DENND2B: variants seen among roughly 807,000 people sequenced by gnomAD.
DENND2B encodes DENN domain-containing protein 2B.
A neutral mutation model predicts 116.0 loss-of-function variants in DENND2B; 32 were observed. That is an observed-to-expected ratio of 0.28 (90% CI 0.21 to 0.37). DENND2B has a LOEUF of 0.37. Ranked by LOEUF, DENND2B falls within the 10% of genes least tolerant of loss-of-function variation. The probability of loss-of-function intolerance (pLI) is 1.00; values close to 1 mark genes in which losing one functional copy is unlikely to be tolerated. For synonymous variants in DENND2B, 588 were observed against 583.9 expected, an observed-to-expected ratio of 1.01 and a Z score of -0.10; for missense variants, 1,276 against 1,477.7, an observed-to-expected ratio of 0.86 and a Z score of 2.24.
chr11:8,883,759 GTAATGAGCACTTTAAAA>G (rs2063928675), intron 1 of DENND2B, among the ~76,000 whole-genome samples: 1 of 152,170 alleles, frequency 6.6e-6, no homozygotes, highest in African/African-American at 2.4e-5. Context: ...AATCACTACT[GTAATGAGCACTTTAAAA>G]AGGGAGATTA....
Position 8,730,514 on chromosome 11 carries a change from C to T in DENND2B, c.776G>A (p.Arg259Gln). ...GGCGCTGGGCTCACTCCGGCCCAGC[C>T]GTTTCTCCAGCCGGTAGAAAGAGTC... ...VRDSFYRLEK[R>Q]LGRSEPSAFL... The change falls in exon 3 of 20, where the codon CGG becomes CAG. Residue 259 changes from arginine to glutamine, a missense_variant. Arg to Gln is a conservative substitution (Grantham distance 43, BLOSUM62 1). Around this residue, in one of 2 missense-constraint regions of DENND2B, gnomAD observed 856 missense variants for 846.6 expected, o/e 1.01. Coordinates refer to ENST00000313726, the MANE Select transcript of DENND2B (RefSeq NM_213618.2). The surrounding 1 kb of genome is among the most constrained non-coding windows in gnomAD (Gnocchi z 4.1). The T allele has an allele frequency of 6.2e-7, 1 of 1,612,768 alleles. No individual in the cohort carries two copies. Among genetic ancestry groups the T allele is most frequent in the Non-Finnish European group, 8.5e-7 (1 of 1,180,028 alleles).
intron 4 of DENND2B, among the ~76,000 whole-genome samples, chr11:8,722,704 G>C (rs1383638890): frequency 6.6e-6 from 1 of 152,120 alleles, no homozygotes; most frequent in African/African-American, 2.4e-5. Flanking sequence ...GGCTGCTATG[G>C]GGACATAAAA....
chr11:8,821,849 T>A (rs2061779961), intron 4 of DENND2B, among the ~76,000 whole-genome samples: 1 of 152,104 alleles, frequency 6.6e-6, no homozygotes, highest in Non-Finnish European at 1.5e-5. Context: ...TGGAGTGGAG[T>A]GGCAAGATCT....
chr11:8,884,889 C>T (rs1314914734), intron 1 of DENND2B, among the ~76,000 whole-genome samples: 2 of 152,174 alleles, frequency 1.3e-5, no homozygotes, highest in African/African-American at 4.8e-5. Flanking sequence ...TCATGTCTTC[C>T]AACTAAGTCT....
Position 8,891,903 on chromosome 11 carries a change from T to C in DENND2B, c.-255-10794A>G, listed in dbSNP as rs188958034. Among the ~76,000 whole-genome samples, 1,253 of 152,300 alleles carry C rather than the reference T, an allele frequency of 8.2e-3. 14 individuals carry two copies. The highest frequency in any genetic ancestry group is 0.028 in the African/African-American group (1,175 of 41,546). On this transcript the variant is annotated intron_variant, in intron 1 of 22. Coordinates refer to the DENND2B transcript ENST00000534127. ...GCACCAAGCGGACCTAATAGACATC[T>C]ACAGAACTCTCCACCCCAAATCAAC... is the stretch of plus-strand genomic sequence containing the variant.
chr11:8,822,335 T>C, intron 4 of DENND2B, among the ~76,000 whole-genome samples: 1 of 152,174 alleles, frequency 6.6e-6, no homozygotes, highest in East Asian at 1.9e-4. Context: ...ACAGTTACCA[T>C]TTTGTGTATG....
At position 8,730,150 on chromosome 11, in the gene DENND2B, G is replaced by A. The variant is rs140061138; in HGVS notation, c.1140C>T (p.Leu380=). The change falls in exon 3 of 20, where the codon CTC becomes CTT. Residue 380 remains leucine, a synonymous_variant. Transcript: ENST00000313726. The surrounding 1 kb of genome is among the most constrained non-coding windows in gnomAD (Gnocchi z 4.1). Reference sequence around the variant, plus strand: ...TGGGGACAGGGTTCACAGCGGGATCGAGGGAACTCTTCGATGGCAGCCGCT... The same window carrying A: ...TGGGGACAGGGTTCACAGCGGGATCAAGGGAACTCTTCGATGGCAGCCGCT... ...SSQRLPSKSS[L]DPAVNPVPKP... is the part of the protein sequence containing the mutation. 3.5e-5 allele frequency: 56 copies of A among 1,614,180 alleles called. No individual in the cohort carries two copies. In the African/African-American group the frequency reaches 5.9e-4, roughly 17 times the overall value.
chr11:8,701,670 C>T (rs1159286593), intron 14 of DENND2B, among the ~76,000 whole-genome samples: 3 of 152,102 alleles, frequency 2.0e-5, no homozygotes, highest in Non-Finnish European at 1.5e-5. Context: ...ATCACTTGTG[C>T]CTTGCCTGTG....
At chr11:8,787,237 C>A (rs1003125393) in intron 1 of DENND2B, 1 of 152,150 alleles carries the variant, frequency 6.6e-6, no homozygotes, top group African/African-American at 2.4e-5. Flanking sequence ...TCTGAAGAAA[C>A]AATGTATATG....
At chr11:8,776,277 C>T in intron 1 of DENND2B, 1 of 454,688 alleles carries the variant, frequency 2.2e-6, no homozygotes, top group Admixed American at 2.4e-5. Flanking sequence ...TCACTGGCAG[C>T]CTGGAGTGCT....
chr11:8,719,755 T>C (rs1729773640), intron 4 of DENND2B, among the ~76,000 whole-genome samples: 1 of 152,168 alleles, frequency 6.6e-6, no homozygotes, highest in African/African-American at 2.4e-5. Flanking sequence ...GACACAGTCT[T>C]CTGATCCCCT....
chr11:8,753,126 A>C (rs1474518173), intron 1 of DENND2B, among the ~76,000 whole-genome samples: 6 of 152,114 alleles, frequency 3.9e-5, no homozygotes, highest in African/African-American at 9.7e-5. Context: ...AATCCCAGTT[A>C]CTCAGGAGGC....
chr11:8,839,340 G>A (rs529895078), exon 4 of DENND2B: 6 of 152,186 alleles, frequency 3.9e-5, no homozygotes, highest in African/African-American at 1.4e-4. Flanking sequence ...ACTCTCCAAA[G>A]GGTGTGAAAT....
At chr11:8,789,183 G>C (rs923617301) in intron 1 of DENND2B, among the ~76,000 whole-genome samples, 1 of 152,198 alleles carries the variant, frequency 6.6e-6, no homozygotes, top group Non-Finnish European at 1.5e-5. Flanking sequence ...AAAAAAGGAA[G>C]AGTACTGGAC....
upstream of DENND2B, among the ~76,000 whole-genome samples, chr11:8,815,542 A>G (rs10769963): frequency 0.84 from 126,982 of 152,072 alleles, 54,419 homozygotes; most frequent in Non-Finnish European, 0.94. Flanking sequence ...CCCTCCCTCT[A>G]TGGCTCATGC....
intron 3 of DENND2B, among the ~76,000 whole-genome samples, chr11:8,848,885 GC>G (rs1371930012): frequency 6.6e-6 from 1 of 151,196 alleles, no homozygotes. Flanking sequence ...AAATAAAATG[GC>G]CTCAAGAAAA....
chr11:8,834,576 T>C (rs184508814), intron 4 of DENND2B, among the ~76,000 whole-genome samples: 1 of 152,228 alleles, frequency 6.6e-6, no homozygotes. Flanking sequence ...AAGTTAGGCA[T>C]GGCACATTCC....
At chr11:8,890,019 G>A (rs1391586979) in intron 1 of DENND2B, among the ~76,000 whole-genome samples, 6 of 152,110 alleles carry the variant, frequency 3.9e-5, no homozygotes, top group Non-Finnish European at 7.4e-5. Context: ...CACCTCACAC[G>A]GCTGGGTACT....
At position 8,797,455 on chromosome 11, in the gene DENND2B, CTCCTTCTT is replaced by C. The variant is rs1192621927; in HGVS notation, c.-26+13054_-26+13061del. The stretch of plus-strand genomic sequence containing the variant: ...CCTTCCCCCTTCTTCCCCCTTCTTC[CTCCTTCTT>C]CCCCTTTCTTCCCCTTCTTCCCTCT... On this transcript the variant is annotated intron_variant, in intron 1 of 19. Transcript: ENST00000313726. Among the ~76,000 whole-genome samples, 344 of 123,114 alleles carry C rather than the reference CTCCTTCTT, an allele frequency of 2.8e-3. 6 individuals are homozygous for C. Among genetic ancestry groups the C allele is most frequent in the East Asian group, 6.8e-3 (24 of 3,520 alleles). The allele number at this position is 123,114 out of a possible 152,430, so 80.8% of individuals were successfully genotyped here.
Sources: allele counts gnomAD v4.1 joint callset (sites outside exome capture counted in the v4.1 genomes callset), GRCh38; gene constraint gnomAD v4.1.1; regional missense constraint gnomAD v4.1.1; non-coding constraint Gnocchi (gnomAD v3.1); transcripts MANE v1.5; gene names NCBI Gene and HGNC (gene_info 2026-07-23, HGNC 2026-07-21).